The following SLC4A11 variants were observed in gnomAD, a reference collection of about 807,000 sequenced individuals.
SLC4A11 encodes bicarbonate transporter related protein 1.
A neutral mutation model predicts 95.0 loss-of-function variants in SLC4A11; 74 were observed. The ratio of observed to expected loss-of-function variants is 0.78; its 90% CI spans 0.65 to 0.95. The LOEUF (loss-of-function observed/expected upper bound fraction) is 0.95, where lower values mean the gene tolerates loss of function less well. Among genes scored for constraint, SLC4A11 ranks in the 40% least tolerant of loss-of-function variants. The pLI, the probability that SLC4A11 is intolerant of heterozygous loss-of-function variation, is 0.00. For missense variants in SLC4A11, 1,081 were observed against 1,192.4 expected, an observed-to-expected ratio of 0.91 and a Z score of 1.38; for synonymous variants, 548 against 519.0, an observed-to-expected ratio of 1.06 and a Z score of -0.76.
chr20:3,234,483 G>T lies in SLC4A11; in HGVS notation c.291+85C>A. ...CTGCTCCTGGAGGCATGGGAAGAGGGGAGCAGCGGGAGGATTCTCAGGGAA... is the reference window on the plus strand; with the variant it reads ...CTGCTCCTGGAGGCATGGGAAGAGGTGAGCAGCGGGAGGATTCTCAGGGAA... On this transcript the variant is annotated intron_variant, in intron 4 of 19. Transcript: ENST00000642402. The surrounding 1 kb of genome is among the most constrained non-coding windows in gnomAD (Gnocchi z 5.8). The T allele has an allele frequency of 6.3e-7, 1 of 1,585,112 alleles. No homozygotes were observed. The highest frequency in any genetic ancestry group is 1.3e-5 in the African/African-American group (1 of 74,414).
rs751416844 is a variant in SLC4A11, at chr20:3,229,790, C to G, written c.1490-14G>C. ...ACTTCCAGAAGACTGTGGACACACACCCACAGGCCTCAGCCCTCTCCAGCG... is the reference window on the plus strand; with the variant it reads ...ACTTCCAGAAGACTGTGGACACACAGCCACAGGCCTCAGCCCTCTCCAGCG... On this transcript the variant is annotated splice_polypyrimidine_tract_variant and intron_variant, in intron 13 of 19. Coordinates refer to ENST00000642402, the MANE Select transcript of SLC4A11 (RefSeq NM_001174089.2). 1 of 1,613,742 alleles carries G rather than the reference C, an allele frequency of 6.2e-7. No homozygotes were observed. Among genetic ancestry groups the G allele is most frequent in the East Asian group, 2.2e-5 (1 of 44,868 alleles).
chr20:3,236,575 C>T (rs528685472), intron 2 of SLC4A11, among the ~76,000 whole-genome samples: 9,824 of 146,204 alleles, frequency 0.067, 406 homozygotes, highest in Non-Finnish European at 0.087. Context: ...GGCGACAGAG[C>T]GAGACTCAAA....
chr20:3,229,543 G>C lies in SLC4A11; in HGVS notation c.1723C>G (p.Leu575Val). 6.2e-7 allele frequency: 1 copy of C among 1,612,894 alleles called. No homozygotes were observed. Reference protein sequence around the residue: ...MLGTLWLGYTLYQFKKSPYLH... With the variant: ...MLGTLWLGYTVYQFKKSPYLH... ...CCTCACCTCTTCTTGAATTGGTAGA[G>C]GGTGTAGCCCAGCCAGAGCGTGCCC... is the stretch of plus-strand genomic sequence containing the variant. Residue 575 changes from leucine (L) to valine (V), a missense_variant, in exon 14 of 20, where the codon CTC (leucine) becomes GTC (valine). Transcript: ENST00000642402.
At position 3,234,890 on chromosome 20, in the gene SLC4A11, G is replaced by C. The variant is rs767919855; in HGVS notation, c.93C>G (p.Tyr31Ter). ...SQNGYFEDSS[Y>*]YKCDTDDTFE... Reference sequence around the variant, plus strand: ...AGGTGTCATCTGTGTCACACTTGTAGTAGCCTAGAGACCCCCAAGAGCAAG... The same window carrying C: ...AGGTGTCATCTGTGTCACACTTGTACTAGCCTAGAGACCCCCAAGAGCAAG... Residue 31 changes from tyrosine (Y) to a stop codon, truncating the protein, a stop_gained, in exon 3 of 20, where the codon TAC becomes TAG. Transcript: ENST00000642402. LOFTEE classifies it high-confidence loss of function. This position sits in a 1 kb window ranked among gnomAD's most constrained non-coding sequence, Gnocchi z 5.8. The C allele has an allele frequency of 2.5e-6, 4 of 1,613,900 alleles. No homozygotes were observed. Among genetic ancestry groups the C allele is most frequent in the Non-Finnish European group, 1.7e-6 (2 of 1,180,010 alleles).
At position 3,234,179 on chromosome 20, in the gene SLC4A11, A is replaced by C. The variant is rs762722278; in HGVS notation, c.427T>G (p.Phe143Val). The C allele has an allele frequency of 6.2e-7, 1 of 1,613,938 alleles. No homozygotes were observed. Among genetic ancestry groups the C allele is most frequent in the East Asian group, 2.2e-5 (1 of 44,868 alleles). Residue 143 changes from phenylalanine (F) to valine (V), a missense_variant, in exon 5 of 20, where the codon TTC becomes GTC. Transcript: ENST00000642402. The surrounding 1 kb of genome is among the most constrained non-coding windows in gnomAD (Gnocchi z 5.8). ...TCATTGTTGTCAGGGTCCCTGGCGA[A>C]GCGGCGAAGCATGGTCCGCAGCACG... ...DNVLRTMLRRFARDPDNNEPN... is the reference protein window; with the variant it reads ...DNVLRTMLRRVARDPDNNEPN...
chr20:3,235,950 C>A (rs1278787219), intron 2 of SLC4A11, among the ~76,000 whole-genome samples: 2 of 152,110 alleles, frequency 1.3e-5, no homozygotes, highest in Non-Finnish European at 2.9e-5. Flanking sequence ...CCTGCCTCAC[C>A]CCTGGCCACT....
chr20:3,228,584 G>C lies in SLC4A11; in HGVS notation c.2316C>G (p.Phe772Leu), dbSNP rs1600558914. The C allele has an allele frequency of 6.2e-7, 1 of 1,613,320 alleles. No homozygotes were observed. The change falls in exon 18 of 20, where the codon TTC becomes TTG. Residue 772 changes from phenylalanine to leucine, a missense_variant. Physicochemically the swap from Phe to Leu is conservative, Grantham distance 22. This residue lies in a region of SLC4A11 where 767 missense variants were observed against 858.0 expected (regional missense o/e 0.89). Transcript: ENST00000642402. The stretch of plus-strand genomic sequence containing the variant: ...CGAGGGAGGTGAGCGCGATGTAGAG[G>C]AAGAGGCCATAGAGCACGGGCTTGG... ...WIPKPVLYGL[F>L]LYIALTSLDG... is the part of the protein sequence containing the mutation.
At chr20:3,236,373 G>A (rs574420816) in intron 2 of SLC4A11, among the ~76,000 whole-genome samples, 3 of 152,268 alleles carry the variant, frequency 2.0e-5, no homozygotes, top group South Asian at 2.1e-4. Context: ...TCAGGAGATC[G>A]AGACCATCCT....
Position 3,234,528 on chromosome 20 carries a change from G to A in SLC4A11, c.291+40C>T. ...AGGGAAGCCATCACCTCAGCCCCCA[G>A]GTAGAGGCCCCAGGACCACCTGCAG... On this transcript the variant is annotated intron_variant, in intron 4 of 19. Coordinates refer to ENST00000642402, the MANE Select transcript of SLC4A11 (RefSeq NM_001174089.2). This position sits in a 1 kb window ranked among gnomAD's most constrained non-coding sequence, Gnocchi z 5.8. 6.2e-7 allele frequency: 1 copy of A among 1,613,106 alleles called. No individual in the cohort carries two copies. The highest frequency in any genetic ancestry group is 1.1e-5 in the South Asian group (1 of 91,078).
rs775596075 is a variant in SLC4A11, at chr20:3,230,622, A to G, written c.1308T>C (p.Tyr436=). The G allele has an allele frequency of 1.9e-6, 3 of 1,613,574 alleles. No individual in the cohort carries two copies. The African/African-American group carries it at 4.0e-5, about 22-fold the overall frequency. The part of the protein sequence containing the change: ...IQVIRVICDD[Y]DLDFNSFYAW... ...CGTAGAAGGAGTTGAAGTCCAGGTC[A>G]TAGTCATCACAGATGACACGAATCA... The change falls in exon 12 of 20, where the codon TAT becomes TAC. Residue 436 remains tyrosine, a synonymous_variant. Coordinates refer to ENST00000642402, the MANE Select transcript of SLC4A11 (RefSeq NM_001174089.2).
Position 3,231,744 on chromosome 20 carries a change from C to G in SLC4A11, c.730-196G>C, listed in dbSNP as rs957240825. 2.8e-4 allele frequency among the ~76,000 whole-genome samples: 42 copies of G among 152,186 alleles called. No individual in the cohort carries two copies. The highest frequency in any genetic ancestry group is 1.0e-3 in the African/African-American group (42 of 41,452). ...CACGGCTTATCGTAGCCTCGACCTC[C>G]CGGGCTCAAGTGATTCTCCCACATC... On this transcript the variant is annotated intron_variant, in intron 7 of 19. Transcript: ENST00000642402. This position sits in a 1 kb window ranked among gnomAD's most constrained non-coding sequence, Gnocchi z 5.2.
intron 16 of SLC4A11, 33 bp downstream of exon 16, chr20:3,229,062 C>CT: frequency 1.9e-6 from 1 of 523,546 alleles, no homozygotes. Flanking sequence ...AGGCCCGGGC[C>CT]CCGCCCACCC....
chr20:3,231,633 T>C lies in SLC4A11; in HGVS notation c.730-85A>G, dbSNP rs1252099272. On this transcript the variant is annotated intron_variant, in intron 7 of 19. Coordinates refer to ENST00000642402, the MANE Select transcript of SLC4A11 (RefSeq NM_001174089.2). This position sits in a 1 kb window ranked among gnomAD's most constrained non-coding sequence, Gnocchi z 5.2. ...AGGTGAAGGTGCTCTCCCCATGAAC[T>C]GGCAGCAGGTTTTTTGTCTGTTTGT... 1 of 1,264,962 alleles carries C rather than the reference T, an allele frequency of 7.9e-7. No homozygotes were observed. Among genetic ancestry groups the C allele is most frequent in the Non-Finnish European group, 1.1e-6 (1 of 874,298 alleles). 78.4% of individuals were successfully genotyped at this position (1,264,962 alleles called of 1,614,324 possible).
intron 1 of SLC4A11, chr20:3,238,471 G>C: frequency 2.0e-6 from 2 of 1,017,844 alleles, no homozygotes. Context: ...TGGGCGACGA[G>C]GGTCTGGGAG....
chr20:3,231,244 T>G lies in SLC4A11; in HGVS notation c.949-2A>C. On this transcript the variant is annotated splice_acceptor_variant, in intron 8 of 19. Transcript: ENST00000642402. LOFTEE classifies it high-confidence loss of function. This position sits in a 1 kb window ranked among gnomAD's most constrained non-coding sequence, Gnocchi z 5.2. ...GACAAAGTCCTTGCACTTTGGGGGC[T>G]GGAGGAGAGGACAGAGCGCCTGTTA... The G allele has an allele frequency of 6.2e-7, 1 of 1,613,846 alleles. No individual in the cohort carries two copies. The highest frequency in any genetic ancestry group is 8.5e-7 in the Non-Finnish European group (1 of 1,180,006).
rs368495310 is a variant in SLC4A11, at chr20:3,234,200, G to A, written c.406C>T (p.Leu136=). ...NETATSLDNV[L]RTMLRRFARD... Reference sequence around the variant, plus strand: ...GCGAAGCGGCGAAGCATGGTCCGCAGCACGTTATCCAGGGAGGTGGCCGTC... The same window carrying A: ...GCGAAGCGGCGAAGCATGGTCCGCAACACGTTATCCAGGGAGGTGGCCGTC... The change falls in exon 5 of 20, where the codon CTG becomes TTG. Residue 136 remains leucine (L), a synonymous_variant. Coordinates refer to ENST00000642402, the MANE Select transcript of SLC4A11 (RefSeq NM_001174089.2). The surrounding 1 kb of genome is among the most constrained non-coding windows in gnomAD (Gnocchi z 5.8). 6.2e-7 allele frequency: 1 copy of A among 1,614,026 alleles called. No homozygotes were observed. The highest frequency in any genetic ancestry group is 8.5e-7 in the Non-Finnish European group (1 of 1,180,042).
Position 3,233,939 on chromosome 20 carries a change from T to G in SLC4A11, c.587A>C (p.Gln196Pro), listed in dbSNP as rs1227971363. The G allele has an allele frequency of 1.9e-6, 3 of 1,613,316 alleles. No homozygotes were observed. The highest frequency in any genetic ancestry group is 2.5e-6 in the Non-Finnish European group (3 of 1,180,024). ...AACTCACATGATGCAGAGCCACGAC[T>G]GCTGGTACCGCACCCCTGTCACTGT... ...TATVTGVRYQ[Q>P]SWLCIICTMK... The change falls in exon 6 of 20, where the codon CAG (glutamine) becomes CCG (proline). Residue 196 changes from glutamine (Q) to proline (P), a missense_variant. This residue lies in a region of SLC4A11 where 310 missense variants were observed against 313.5 expected (regional missense o/e 0.99). Coordinates refer to ENST00000642402, the MANE Select transcript of SLC4A11 (RefSeq NM_001174089.2).
Position 3,228,686 on chromosome 20 carries a change from C to T in SLC4A11, c.2214G>A (p.Thr738=), listed in dbSNP as rs376249499. 8 of 1,612,830 alleles carry T rather than the reference C, an allele frequency of 5.0e-6. No individual in the cohort carries two copies. The African/African-American group carries it at 5.3e-5, about 11-fold the overall frequency. ...CGCTGGCGCCCAGCGAGGTCAGCCG[C>T]GTCTCCTTCACGTTCACAATCCTGC... ...IYDTIVNVKE[T]RLTSLGASVL... Residue 738 remains threonine (T), a synonymous_variant, in exon 18 of 20, where the codon ACG becomes ACA. Transcript: ENST00000642402.
Position 3,227,714 on chromosome 20 carries a change from C to T in SLC4A11, c.*73G>A. ...AGCAGTCACCCACACACCTACACCT[C>T]CCCTCACAGCTCCAGAGCCAGCCTG... On this transcript the variant is annotated 3_prime_UTR_variant, in exon 20 of 20. Transcript: ENST00000642402. The T allele has an allele frequency of 2.0e-6, 3 of 1,514,528 alleles. No homozygotes were observed. The highest frequency in any genetic ancestry group is 1.7e-4 in the Middle Eastern group (1 of 5,830). The allele number at this position is 1,514,528 out of a possible 1,614,324, so 93.8% of individuals were successfully genotyped here.
Sources: allele counts gnomAD v4.1 joint callset (sites outside exome capture counted in the v4.1 genomes callset), GRCh38; gene constraint gnomAD v4.1.1; regional missense constraint gnomAD v4.1.1; non-coding constraint Gnocchi (gnomAD v3.1); transcripts MANE v1.5; gene names NCBI Gene and HGNC (gene_info 2026-07-23, HGNC 2026-07-21).